B4GALT1: variants seen among roughly 807,000 people sequenced by gnomAD.
B4GALT1 encodes the protein N-acetyllactosamine synthase.
Under a neutral mutation model 34.9 loss-of-function variants are expected in B4GALT1, and 16 were observed. The ratio of observed to expected loss-of-function variants is 0.46; its 90% CI spans 0.31 to 0.70. B4GALT1 has a LOEUF of 0.70. B4GALT1 is among the 30% of genes least tolerant of loss of function. The pLI, the probability that B4GALT1 is intolerant of heterozygous loss-of-function variation, is 0.05. For synonymous variants in B4GALT1, 221 were observed against 218.1 expected (o/e 1.01, Z -0.12); for missense variants, 445 against 530.5 (o/e 0.84, Z 1.58).
chr9:33,120,327 AAAGAGGC>A, intron 3 of B4GALT1, 85 bp downstream of exon 3: 2 of 1,427,328 alleles, frequency 1.4e-6, no homozygotes, highest in South Asian at 2.3e-5. Flanking sequence ...TCCAGAGCTT[AAAGAGGC>A]ACTCTTGAGC....
rs1367443662 is a variant in B4GALT1, at chr9:33,113,758, T to C, written c.1064+16A>G. 12 of 1,613,946 alleles carry C rather than the reference T, an allele frequency of 7.4e-6. No individual in the cohort carries two copies. The highest frequency in any genetic ancestry group is 1.0e-5 in the Non-Finnish European group (12 of 1,179,812). On this transcript the variant is annotated intron_variant, in intron 5 of 5. Transcript: ENST00000379731. ...ATCCTAAAGGGGGAAGGAGTATGAA[T>C]AAACAAAGAATGCACCTCTGAGGAT...
chr9:33,113,226 C>T lies in B4GALT1; in HGVS notation c.*228G>A. ...GTGACACTGCGAACACATCAAGAAA[C>T]CCGCAAAGGCATAAACACCTTGCAG... On this transcript the variant is annotated 3_prime_UTR_variant, in exon 6 of 6. Transcript: ENST00000379731. 1.6e-6 allele frequency: 1 copy of T among 606,586 alleles called. No individual in the cohort carries two copies. The highest frequency in any genetic ancestry group is 2.9e-6 in the Non-Finnish European group (1 of 341,686). 37.6% of individuals were successfully genotyped at this position (606,586 alleles called of 1,614,324 possible).
chr9:33,171,144 A>C (rs908716712), upstream of B4GALT1, among the ~76,000 whole-genome samples: 2 of 152,258 alleles, frequency 1.3e-5, no homozygotes, highest in Non-Finnish European at 2.9e-5. Flanking sequence ...GCAGCGTAAC[A>C]CCTACCCCAA....
At position 33,113,312 on chromosome 9, in the gene B4GALT1, C is replaced by T. The variant is rs759202880; in HGVS notation, c.*142G>A. 24 of 1,294,622 alleles carry T rather than the reference C, an allele frequency of 1.9e-5. No homozygotes were observed. Among genetic ancestry groups the T allele is most frequent in the Non-Finnish European group, 2.7e-5 (24 of 896,890 alleles). The allele number at this position is 1,294,622 out of a possible 1,614,324, so 80.2% of individuals were successfully genotyped here. ...AAAATATCCCACTCGTCCTGGTCAT[C>T]TGGAAAGCCATCTGAATGATGAGCG... is the stretch of plus-strand genomic sequence containing the variant. On this transcript the variant is annotated 3_prime_UTR_variant, in exon 6 of 6. Coordinates refer to ENST00000379731, the MANE Select transcript of B4GALT1 (RefSeq NM_001497.4).
intron 4 of B4GALT1, 28 bp from the exon 5 acceptor site, chr9:33,113,906 T>A (rs146764307): frequency 3.1e-6 from 5 of 1,606,084 alleles, no homozygotes; most frequent in Non-Finnish European, 8.5e-7. Context: ...AAAGTCATTA[T>A]CACAGAGCTG....
chr9:33,127,487 G>A (rs774278939), intron 2 of B4GALT1, among the ~76,000 whole-genome samples: 3 of 152,222 alleles, frequency 2.0e-5, no homozygotes, highest in African/African-American at 2.4e-5. Context: ...CTATAAAAAT[G>A]TGTAAACCAT....
At chr9:33,171,010 C>T (rs1332542824), upstream of B4GALT1, among the ~76,000 whole-genome samples, 1 of 152,260 alleles carries the variant, frequency 6.6e-6, no homozygotes, top group Non-Finnish European at 1.5e-5. Context: ...GCTGGCCTTC[C>T]TCTGCCCTCC....
chr9:33,163,835 C>A (rs1840709901), intron 1 of B4GALT1, among the ~76,000 whole-genome samples: 1 of 152,226 alleles, frequency 6.6e-6, no homozygotes, highest in Admixed American at 6.5e-5. Flanking sequence ...CAGGCCTAAA[C>A]TACCTGGGAG....
intron 1 of B4GALT1, among the ~76,000 whole-genome samples, chr9:33,151,191 A>AGTTAGCTT (rs1279417529): frequency 6.6e-6 from 1 of 152,246 alleles, no homozygotes; most frequent in Admixed American, 6.5e-5. Context: ...ACTCACCAGC[A>AGTTAGCTT]GTTAGCTTAT....
chr9:33,130,446 A>G (rs1043873840), intron 2 of B4GALT1, among the ~76,000 whole-genome samples: 2 of 148,562 alleles, frequency 1.3e-5, no homozygotes, highest in African/African-American at 5.0e-5. Flanking sequence ...GTATTCTCCC[A>G]TGCTGGTGAG....
chr9:33,116,759 G>A (rs923921491), intron 3 of B4GALT1, among the ~76,000 whole-genome samples: 5 of 151,232 alleles, frequency 3.3e-5, no homozygotes, highest in East Asian at 2.0e-4. Flanking sequence ...CTGACCTCAG[G>A]TGATCCACCC....
intron 1 of B4GALT1, among the ~76,000 whole-genome samples, chr9:33,150,136 T>C (rs1178923287): frequency 3.6e-5 from 2 of 56,020 alleles, no homozygotes; most frequent in African/African-American, 2.2e-4. Flanking sequence ...TATATAGATA[T>C]AGATATAGAT....
upstream of B4GALT1, among the ~76,000 whole-genome samples, chr9:33,171,139 G>A (rs75162668): frequency 0.04 from 6,150 of 152,330 alleles, 177 homozygotes; most frequent in Non-Finnish European, 0.064. Context: ...CTATTGCAGC[G>A]TAACACCTAC....
At chr9:33,135,025 G>A (rs1333817596) in intron 2 of B4GALT1, among the ~76,000 whole-genome samples, 164 bp downstream of exon 2, 4 of 152,122 alleles carry the variant, frequency 2.6e-5, no homozygotes, top group Admixed American at 2.0e-4. Context: ...ACACTGTTTG[G>A]CGTTTACCTC....
intron 1 of B4GALT1, among the ~76,000 whole-genome samples, chr9:33,141,167 C>T (rs879301329): frequency 2.0e-5 from 3 of 152,118 alleles, no homozygotes; most frequent in Non-Finnish European, 2.9e-5. Context: ...ATAGGGCATG[C>T]AGGGGTTGGT....
At chr9:33,115,315 G>C (rs536135155) in intron 4 of B4GALT1, among the ~76,000 whole-genome samples, 1 of 152,360 alleles carries the variant, frequency 6.6e-6, no homozygotes, top group African/African-American at 2.4e-5. Context: ...GCTCAGACTG[G>C]CTCCTGGAGG....
chr9:33,106,980 C>T (rs1417115677), downstream of B4GALT1, among the ~76,000 whole-genome samples: 5 of 152,124 alleles, frequency 3.3e-5, no homozygotes, highest in East Asian at 3.9e-4. Flanking sequence ...CCAAATACAC[C>T]GTGATATCAT....
At position 33,166,836 on chromosome 9, in the gene B4GALT1, T is replaced by C. The variant is rs1413830299; in HGVS notation, c.334A>G (p.Ser112Gly). 6 of 1,556,030 alleles carry C rather than the reference T, an allele frequency of 3.9e-6. No individual in the cohort carries two copies. In the South Asian group the frequency reaches 6.0e-5, roughly 15 times the overall value. Residue 112 changes from serine to glycine, a missense_variant, in exon 1 of 6, where the codon AGC (serine) becomes GGC (glycine). Transcript: ENST00000379731. The stretch of plus-strand genomic sequence containing the variant: ...GGCACTGGGACCGAGGTCAAGTTGC[T>C]AGCGGGGCCAGGGCCAGAATCCACG... Reference protein sequence around the residue: ...PVVDSGPGPASNLTSVPVPHT... With the variant: ...PVVDSGPGPAGNLTSVPVPHT...
intron 2 of B4GALT1, among the ~76,000 whole-genome samples, chr9:33,129,330 C>T (rs1322130926): frequency 2.0e-5 from 3 of 152,190 alleles, no homozygotes; most frequent in Admixed American, 2.0e-4. Context: ...AGGGAGGTCA[C>T]CCCAAGGACT....
Sources: gnomAD v4.1 joint callset for allele counts (sites outside exome capture counted in the v4.1 genomes callset) on GRCh38, gnomAD v4.1.1 for gene constraint, MANE v1.5 for transcripts, NCBI Gene and HGNC (gene_info 2026-07-23, HGNC 2026-07-21) for gene names.